The following CLEC12A variants were observed in gnomAD, a reference collection of about 807,000 sequenced individuals.
The protein encoded by CLEC12A is C-type lectin domain family 12 member A.
In CLEC12A, 22 loss-of-function variants were observed where a neutral mutation model predicts 26.5. The observed-to-expected ratio is 0.83, with a 90% CI of 0.59 to 1.19. CLEC12A has a LOEUF of 1.19. Among genes scored for constraint, CLEC12A ranks in the 50% most tolerant of loss-of-function variants. The pLI is 0.00. For missense variants in CLEC12A, 353 were observed against 315.6 expected (o/e 1.12, Z -0.90); for synonymous variants, 119 against 101.9 (o/e 1.17, Z -1.01).
At chr12:9,951,269 T>C, upstream of CLEC12A, 1 of 701,994 alleles carries the variant, frequency 1.4e-6, no homozygotes, top group South Asian at 1.5e-5. Flanking sequence ...TTAGTCTTTC[T>C]ATTTAGCATT....
intron 1 of CLEC12A, among the ~76,000 whole-genome samples, chr12:9,974,340 G>T (rs375193302): frequency 6.6e-6 from 1 of 151,996 alleles, no homozygotes; most frequent in African/African-American, 2.4e-5. Context: ...CCTGGGTCCC[G>T]TTTTATTGCA....
downstream of CLEC12A, among the ~76,000 whole-genome samples, chr12:9,989,368 A>AT (rs1238357655): frequency 3.0e-4 from 46 of 151,624 alleles, no homozygotes; most frequent in South Asian, 1.7e-3. Flanking sequence ...TATAATAATA[A>AT]AAAAAAAGAA....
At chr12:9,965,450 C>T (rs1267200808) in intron 1 of CLEC12A, among the ~76,000 whole-genome samples, 5 of 150,418 alleles carry the variant, frequency 3.3e-5, no homozygotes, top group Admixed American at 2.7e-4. Context: ...TGCGGCAATA[C>T]AGCCTAGGTA....
rs775288758 is a variant in CLEC12A, at chr12:9,995,053, T to C, written n.1040T>C. ...ACCCAGCTGCTGCTTCTATAACCCA[T>C]AGTAGTGACTTGGACTGAGAGAAGA... On this transcript the variant is annotated non_coding_transcript_exon_variant, in exon 5 of 5. Transcript: ENST00000449959. 5 of 1,591,582 alleles carry C rather than the reference T, an allele frequency of 3.1e-6. No homozygotes were observed. The African/African-American group carries it at 4.0e-5, about 13-fold the overall frequency.
downstream of CLEC12A, among the ~76,000 whole-genome samples, chr12:9,988,521 AAAAC>A (rs1471536392): frequency 6.6e-6 from 1 of 152,232 alleles, no homozygotes; most frequent in Non-Finnish European, 1.5e-5. Context: ...TTTACAAGAA[AAAAC>A]AAACAACCCC....
rs372827089 is a variant in CLEC12A at position 9,963,042 on chromosome 12, T to C, written c.11-8535T>C. Among the ~76,000 whole-genome samples, 478 of 152,184 alleles carry C rather than the reference T, an allele frequency of 3.1e-3. 5 individuals carry two copies. Among genetic ancestry groups the C allele is most frequent in the African/African-American group, 8.7e-3 (362 of 41,498 alleles). On this transcript the variant is annotated intron_variant, in intron 1 of 6. Transcript: ENST00000355690. ...GAAGATTTCATGCTAAGGGGTGATA[T>C]TGTGGAGTTGCTAGAAGAAACATTT...
At chr12:9,959,824 G>C (rs1863801825) in intron 1 of CLEC12A, among the ~76,000 whole-genome samples, 1 of 152,180 alleles carries the variant, frequency 6.6e-6, no homozygotes, top group African/African-American at 2.4e-5. Flanking sequence ...AAATGGATTA[G>C]CTCTTAGCCC....
At chr12:10,005,330 C>A in the CLEC12A span, among the ~76,000 whole-genome samples, 1 of 152,104 alleles carries the variant, frequency 6.6e-6, no homozygotes, top group Non-Finnish European at 1.5e-5. Flanking sequence ...GTGATATAAT[C>A]GAGTTCTTCT....
intron 1 of CLEC12A, among the ~76,000 whole-genome samples, chr12:9,976,807 G>C (rs149341696): frequency 6.6e-6 from 1 of 152,096 alleles, no homozygotes. Flanking sequence ...CCTCGTGGGA[G>C]GTAATTGAAT....
chr12:9,964,993 A>G (rs1020298057), intron 1 of CLEC12A, among the ~76,000 whole-genome samples: 3 of 152,210 alleles, frequency 2.0e-5, no homozygotes, highest in Non-Finnish European at 2.9e-5. Context: ...TCAGAGACTT[A>G]ACAAAAAGGG....
In CLEC12A at chr12:9,961,221, A is replaced by G. The variant is rs528238790; in HGVS notation, c.10+9865A>G. ...GAAGCCTCCAGACAGCAGACTTGAGAGAGACTTAAGTATTAATGCCTGAGA... is the reference window on the plus strand; with the variant it reads ...GAAGCCTCCAGACAGCAGACTTGAGGGAGACTTAAGTATTAATGCCTGAGA... On this transcript the variant is annotated intron_variant, in intron 1 of 6. Transcript: ENST00000355690. 2.0e-5 allele frequency among the ~76,000 whole-genome samples: 3 copies of G among 152,352 alleles called. No homozygotes were observed. In the East Asian group the frequency reaches 5.8e-4, roughly 29 times the overall value.
chr12:9,951,279 T>G (rs1342661828), upstream of CLEC12A: 2 of 702,420 alleles, frequency 2.8e-6, no homozygotes, highest in East Asian at 5.4e-5. Flanking sequence ...TATTTAGCAT[T>G]GCTGCTGCCA....
At position 9,979,524 on chromosome 12, in the gene CLEC12A, G is replaced by A. The variant is rs908618594; in HGVS notation, c.379G>A (p.Glu127Lys). ...LCRELYSKEQ[E>K]HKCKPCPRRW... Reference sequence around the variant, plus strand: ...TCGTGAGCTATATAGCAAAGAACAAGGTAATCTTGTATTCTCTTGGAGTTA... The same window carrying A: ...TCGTGAGCTATATAGCAAAGAACAAAGTAATCTTGTATTCTCTTGGAGTTA... Residue 127 changes from glutamate (E) to lysine (K), a missense_variant and splice_region_variant, in exon 3 of 6, where the codon GAG becomes AAG. Transcript: ENST00000304361. 1.2e-6 allele frequency: 2 copies of A among 1,604,686 alleles called. No homozygotes were observed. The highest frequency in any genetic ancestry group is 1.7e-6 in the Non-Finnish European group (2 of 1,175,438).
chr12:9,983,726 T>TTTTTG (rs1158908403), intron 5 of CLEC12A: 11 of 478,274 alleles, frequency 2.3e-5, no homozygotes, highest in Middle Eastern at 5.4e-4. Context: ...CAAATAGAAT[T>TTTTTG]TTTTGTTTTG....
chr12:10,006,081 A>G, the CLEC12A span, among the ~76,000 whole-genome samples: 1 of 152,208 alleles, frequency 6.6e-6, no homozygotes, highest in Non-Finnish European at 1.5e-5. Flanking sequence ...CTGTGTTTCC[A>G]TATTTTCCAA....
chr12:9,985,649 G>A, downstream of CLEC12A: 1 of 392,210 alleles, frequency 2.5e-6, no homozygotes, highest in Non-Finnish European at 4.5e-6. Context: ...TGTAAGCTTG[G>A]CTTTTGTTAA....
At position 9,962,144 on chromosome 12, in the gene CLEC12A, G is replaced by T. The variant is rs185032147; in HGVS notation, c.11-9433G>T. 1.4e-3 allele frequency among the ~76,000 whole-genome samples: 213 copies of T among 152,150 alleles called. 1 individual carries two copies. The highest frequency in any genetic ancestry group is 4.4e-3 in the East Asian group (23 of 5,184). On this transcript the variant is annotated intron_variant, in intron 1 of 6. Coordinates refer to the CLEC12A transcript ENST00000355690. ...ATGGCTTCCGGCAGTAGCTAGCCCT[G>T]GGGTATTTCACTATCCCTCATGGTT...
At chr12:9,975,433 T>C (rs1864297845) in intron 1 of CLEC12A, among the ~76,000 whole-genome samples, 1 of 152,216 alleles carries the variant, frequency 6.6e-6, no homozygotes, top group Admixed American at 6.5e-5. Flanking sequence ...TGTTATGTTT[T>C]AGCAAAGTGA....
At chr12:9,999,918 T>C (rs549908526), downstream of CLEC12A, among the ~76,000 whole-genome samples, 1 of 152,310 alleles carries the variant, frequency 6.6e-6, no homozygotes, top group Non-Finnish European at 1.5e-5. Flanking sequence ...CCTAGCACCT[T>C]TTCATCACAA....
Sources: gnomAD v4.1 joint callset for allele counts (sites outside exome capture counted in the v4.1 genomes callset) on GRCh38, gnomAD v4.1.1 for gene constraint, MANE v1.5 for transcripts, NCBI Gene and HGNC (gene_info 2026-07-23, HGNC 2026-07-21) for gene names.